Variants in RNF17 observed in about 807,000 individuals in gnomAD.
The protein encoded by RNF17 is ring finger protein 17, also known as spermatogenesis associated 23.
A neutral mutation model predicts 200.5 loss-of-function variants in RNF17; 31 were observed. That is an observed-to-expected ratio of 0.15 (90% confidence interval 0.12 to 0.21). The LOEUF (loss-of-function observed/expected upper bound fraction) is 0.21. Ranked by LOEUF, RNF17 falls within the 10% of genes least tolerant of loss-of-function variation. The pLI is 1.00. For missense variants in RNF17, 1,628 were observed against 1,905.1 expected, an observed-to-expected ratio of 0.85 and a Z score of 2.71; for synonymous variants, 606 against 637.8, an observed-to-expected ratio of 0.95 and a Z score of 0.75.
chr13:24,796,674 T>A (rs889661553), intron 11 of RNF17, among the ~76,000 whole-genome samples: 1 of 152,322 alleles, frequency 6.6e-6, no homozygotes, highest in South Asian at 2.1e-4. Flanking sequence ...GGGCTAGCAT[T>A]GAGCACCTGA....
At position 24,771,350 on chromosome 13, in the gene RNF17, T is replaced by TTTG. The variant is rs1593209620; in HGVS notation, c.226-3463_226-3462insTTG. Reference sequence around the variant, plus strand: ...TTTTTTTTTTTTTTTTTTTTTTTTTTGGAAGAGGTGAATCCTTGCTATGTG... The same window carrying TTTG: ...TTTTTTTTTTTTTTTTTTTTTTTTTTTTGGGAAGAGGTGAATCCTTGCTATGTG... On this transcript the variant is annotated intron_variant, in intron 2 of 35. Coordinates refer to ENST00000255324, the MANE Select transcript of RNF17 (RefSeq NM_031277.3). Among the ~76,000 whole-genome samples the TTTG allele has an allele frequency of 3.5e-5, 4 of 115,520 alleles. 1 individual carries two copies. The highest frequency in any genetic ancestry group is 2.8e-4 in the South Asian group (1 of 3,592). The allele number at this position is 115,520 out of a possible 152,430, so 75.8% of individuals were successfully genotyped here.
intron 11 of RNF17, among the ~76,000 whole-genome samples, chr13:24,798,803 G>A (rs1358634823): frequency 6.6e-6 from 1 of 151,690 alleles, no homozygotes; most frequent in African/African-American, 2.4e-5. Flanking sequence ...TTGTTAATTT[G>A]TAATCCAACT....
upstream of RNF17, among the ~76,000 whole-genome samples, chr13:24,762,657 T>C (rs1677333862): frequency 6.6e-6 from 1 of 152,192 alleles, no homozygotes; most frequent in South Asian, 2.1e-4. Context: ...AATACTTACT[T>C]CACAGTTTCT....
At chr13:24,867,890 G>T (rs1893800678) in intron 30 of RNF17, among the ~76,000 whole-genome samples, 1 of 141,552 alleles carries the variant, frequency 7.1e-6, no homozygotes, top group Non-Finnish European at 1.6e-5. Context: ...GTTTTTATTA[G>T]AAGTACTTAT....
chr13:24,868,726 C>G lies in RNF17; in HGVS notation c.4278+10C>G, dbSNP rs1270035925. 7.6e-7 allele frequency: 1 copy of G among 1,316,094 alleles called. No homozygotes were observed. Among genetic ancestry groups the G allele is most frequent in the African/African-American group, 1.4e-5 (1 of 69,004 alleles). The allele number at this position is 1,316,094 out of a possible 1,614,324, so 81.5% of individuals were successfully genotyped here. The stretch of plus-strand genomic sequence containing the variant: ...TGTCTCACCTAATGAAGTATGTGAT[C>G]TAAATGATTAGTTGGTGATTAAAAA... On this transcript the variant is annotated intron_variant, in intron 31 of 35. Coordinates refer to ENST00000255324, the MANE Select transcript of RNF17 (RefSeq NM_031277.3).
intron 25 of RNF17, among the ~76,000 whole-genome samples, chr13:24,857,457 C>G (rs1359188486): frequency 1.3e-5 from 2 of 152,266 alleles, no homozygotes; most frequent in South Asian, 4.2e-4. Context: ...TAAAATGACT[C>G]TTAGATCAGG....
In RNF17 at chr13:24,861,603, A is replaced by C. The variant is rs373001278; in HGVS notation, c.3894+216A>C. 1.3e-3 allele frequency among the ~76,000 whole-genome samples: 193 copies of C among 152,354 alleles called. 1 individual carries two copies. Among genetic ancestry groups the C allele is most frequent in the African/African-American group, 4.4e-3 (184 of 41,590 alleles). ...AAAACATCTGAATAAATGAAGAGACATGTTCATAAGTAGGAAGGTATAAGA... is the reference window on the plus strand; with the variant it reads ...AAAACATCTGAATAAATGAAGAGACCTGTTCATAAGTAGGAAGGTATAAGA... On this transcript the variant is annotated intron_variant, in intron 27 of 35. Transcript: ENST00000255324.
chr13:24,764,360 G>A (rs369073462), intron 1 of RNF17, 27 bp downstream of exon 1: 27 of 1,559,332 alleles, frequency 1.7e-5, no homozygotes, highest in Non-Finnish European at 2.1e-5. Context: ...CCCACCTAGC[G>A]GGGAGGCAGC....
upstream of RNF17, among the ~76,000 whole-genome samples, chr13:24,763,508 C>A (rs1033714304): frequency 7.2e-5 from 11 of 151,934 alleles, no homozygotes; most frequent in African/African-American, 2.7e-4. Flanking sequence ...TGAGCCACCG[C>A]GCCGGGCCCA....
chr13:24,884,481 G>A (rs756545267), downstream of RNF17: 3 of 1,613,228 alleles, frequency 1.9e-6, no homozygotes, highest in Non-Finnish European at 1.7e-6. Flanking sequence ...ACCAACACAA[G>A]ATTATCACCT....
chr13:24,884,959 A>C, the RNF17 span, among the ~76,000 whole-genome samples: 2 of 152,208 alleles, frequency 1.3e-5, no homozygotes, highest in Non-Finnish European at 2.9e-5. Context: ...AACTTTCCTA[A>C]GCATAAGAAT....
chr13:24,850,779 G>T (rs766439985), intron 23 of RNF17, among the ~76,000 whole-genome samples: 1 of 152,018 alleles, frequency 6.6e-6, no homozygotes, highest in Non-Finnish European at 1.5e-5. Context: ...GGAGAAAAAA[G>T]GCACACCTTG....
In RNF17 at chr13:24,831,847, G is replaced by A. The variant is rs1009892151; in HGVS notation, c.2362-11G>A. ...ATTTTTTTCTTAATGGTGGAATTTT[G>A]TCTGACACAGGCAATTAAATGTAAG... On this transcript the variant is annotated splice_polypyrimidine_tract_variant and intron_variant, in intron 17 of 35. Coordinates refer to ENST00000255324, the MANE Select transcript of RNF17 (RefSeq NM_031277.3). The A allele has an allele frequency of 1.3e-6, 2 of 1,588,108 alleles. No individual in the cohort carries two copies. Among genetic ancestry groups the A allele is most frequent in the African/African-American group, 1.4e-5 (1 of 73,264 alleles).
At chr13:24,848,846 A>G (rs1891537858) in intron 22 of RNF17, among the ~76,000 whole-genome samples, 1 of 152,214 alleles carries the variant, frequency 6.6e-6, no homozygotes, top group African/African-American at 2.4e-5. Context: ...TTTATATACC[A>G]TCGTAATAAA....
chr13:24,753,490 G>C, the RNF17 span, among the ~76,000 whole-genome samples: 1 of 152,216 alleles, frequency 6.6e-6, no homozygotes, highest in East Asian at 1.9e-4. Context: ...CTGATGGCCA[G>C]GGACGTTGGG....
intron 11 of RNF17, 27 bp downstream of exon 11, chr13:24,796,322 A>G (rs1355549135): frequency 1.3e-6 from 2 of 1,491,780 alleles, no homozygotes; most frequent in Non-Finnish European, 1.8e-6. Context: ...CCAAGTTAAA[A>G]TATCAAATTT....
chr13:24,875,840 A>G (rs1894800490), intron 33 of RNF17, among the ~76,000 whole-genome samples: 1 of 152,236 alleles, frequency 6.6e-6, no homozygotes, highest in Admixed American at 6.5e-5. Flanking sequence ...AAGCCAAAGA[A>G]TGACAACATC....
chr13:24,840,847 GT>G (rs1890557766), intron 18 of RNF17, among the ~76,000 whole-genome samples: 1 of 152,030 alleles, frequency 6.6e-6, no homozygotes, highest in African/African-American at 2.4e-5. Context: ...GAACTTACTC[GT>G]TTAACCAAAT....
At chr13:24,767,200 GGCAACAGA>G (rs1298841185) in intron 1 of RNF17, 64 bp from the exon 2 acceptor site, 2 of 1,073,864 alleles carry the variant, frequency 1.9e-6, no homozygotes, top group Admixed American at 3.7e-5. Context: ...CTCCAGCTTG[GGCAACAGA>G]GCAAGACCCT....
Sources: allele counts gnomAD v4.1 joint callset (sites outside exome capture counted in the v4.1 genomes callset), GRCh38; gene constraint gnomAD v4.1.1; transcripts MANE v1.5; gene names NCBI Gene and HGNC (gene_info 2026-07-23, HGNC 2026-07-21).